Variants in ANO4 observed in about 807,000 individuals in gnomAD.
ANO4 encodes the protein anoctamin-4.
In ANO4, 69 loss-of-function variants were observed where a neutral mutation model predicts 141.9. The observed-to-expected ratio is 0.49, with a 90% CI of 0.40 to 0.59. The LOEUF (loss-of-function observed/expected upper bound fraction) is 0.59, where lower values mean the gene tolerates loss of function less well. ANO4 is among the 20% of genes least tolerant of loss of function. The pLI, the probability that ANO4 is intolerant of heterozygous loss-of-function variation, is 0.00. For missense variants in ANO4, 894 were observed against 1,162.2 expected, an observed-to-expected ratio of 0.77 and a Z score of 3.36; for synonymous variants, 350 against 394.3, an observed-to-expected ratio of 0.89 and a Z score of 1.33.
chr12:100,755,140 T>C (rs910013295), intron 3 of ANO4, among the ~76,000 whole-genome samples: 1 of 152,224 alleles, frequency 6.6e-6, no homozygotes, highest in African/African-American at 2.4e-5. Flanking sequence ...GATTTCATAG[T>C]GTGGGGTTCA....
rs1195436115 is a variant in ANO4 at position 100,939,425 on chromosome 12, G to A, written c.271G>A (p.Ala91Thr). ...AAACCTGACTAGTACTTCAGATGAT[G>A]CCAGCAGATTGGAAGCCGGGGGAGA... The part of the protein sequence containing the change: ...PGNLTSTSDD[A>T]SRLEAGGETV... The change falls in exon 4 of 28, where the codon GCC becomes ACC. Residue 91 changes from alanine (A) to threonine (T), a missense_variant. By Grantham distance (58) the Ala-to-Thr change is moderately conservative. This residue lies in a region of ANO4 where 257 missense variants were observed against 253.0 expected (regional missense o/e 1.02). Transcript: ENST00000392977. 29 of 1,613,586 alleles carry A rather than the reference G, an allele frequency of 1.8e-5. No homozygotes were observed. The highest frequency in any genetic ancestry group is 2.5e-5 in the Non-Finnish European group (29 of 1,179,626).
At chr12:100,925,278 G>A (rs2041815706) in intron 3 of ANO4, among the ~76,000 whole-genome samples, 1 of 152,042 alleles carries the variant, frequency 6.6e-6, no homozygotes, top group African/African-American at 2.4e-5. Context: ...CTGTAGCTTA[G>A]ATTATCGTTT....
Position 100,857,719 on chromosome 12 carries a change from T to C in ANO4, c.-140-43927T>C, listed in dbSNP as rs116668573. Among the ~76,000 whole-genome samples, 487 of 152,088 alleles carry C rather than the reference T, an allele frequency of 3.2e-3. 6 individuals carry two copies. Among genetic ancestry groups the C allele is most frequent in the African/African-American group, 0.011 (475 of 41,486 alleles). On this transcript the variant is annotated intron_variant, in intron 1 of 27. Transcript: ENST00000392977. ...CTCTATATCCGCTGTGTTTGAGGAG[T>C]GGCAGGATGTGGGATGAAAGAAAGA...
At chr12:100,998,646 A>G (rs1490246242) in intron 8 of ANO4, among the ~76,000 whole-genome samples, 1 of 152,164 alleles carries the variant, frequency 6.6e-6, no homozygotes, top group Non-Finnish European at 1.5e-5. Context: ...TCGTCATTTT[A>G]TATCTTATCA....
intron 14 of ANO4, among the ~76,000 whole-genome samples, chr12:101,056,684 A>G (rs2048133283): frequency 6.6e-6 from 1 of 152,004 alleles, no homozygotes; most frequent in Non-Finnish European, 1.5e-5. Context: ...GAATGTGTTT[A>G]GTCTTTCAAC....
intron 3 of ANO4, among the ~76,000 whole-genome samples, chr12:100,786,722 G>A (rs1489286796): frequency 6.6e-6 from 1 of 152,154 alleles, no homozygotes; most frequent in Non-Finnish European, 1.5e-5. Context: ...TAAAAGCCAA[G>A]GATTTCAGAG....
At chr12:100,809,861 C>T (rs1248058550) in intron 1 of ANO4, among the ~76,000 whole-genome samples, 3 of 152,074 alleles carry the variant, frequency 2.0e-5, no homozygotes, top group African/African-American at 4.8e-5. Flanking sequence ...ACAGTGGGCC[C>T]AGTTAGAGAC....
intron 1 of ANO4, among the ~76,000 whole-genome samples, chr12:100,812,501 A>G (rs2035501551): frequency 2.0e-5 from 3 of 152,196 alleles, no homozygotes; most frequent in Admixed American, 2.0e-4. Context: ...CATACATAAT[A>G]ATGTGTATAC....
chr12:100,905,838 C>T (rs2040821396), intron 2 of ANO4, among the ~76,000 whole-genome samples: 1 of 151,982 alleles, frequency 6.6e-6, no homozygotes, highest in African/African-American at 2.4e-5. Context: ...CACAATAGGA[C>T]CATGGATAGT....
intron 1 of ANO4, among the ~76,000 whole-genome samples, chr12:100,822,063 C>T (rs551874989): frequency 6.6e-6 from 1 of 152,026 alleles, no homozygotes; most frequent in South Asian, 2.1e-4. Flanking sequence ...TGACCACACT[C>T]ACCAAATAGA....
chr12:101,053,863 A>G (rs7956620), intron 14 of ANO4, among the ~76,000 whole-genome samples: 41,019 of 152,150 alleles, frequency 0.27, 5,643 homozygotes, highest in Admixed American at 0.32. Context: ...ACAACAGAAC[A>G]TGGCTTCACG....
intron 7 of ANO4, among the ~76,000 whole-genome samples, chr12:100,986,633 T>C (rs890017376): frequency 6.6e-6 from 1 of 152,110 alleles, no homozygotes; most frequent in South Asian, 2.1e-4. Flanking sequence ...AGGAAAAAAA[T>C]AAAGCATGAC....
chr12:101,081,004 C>CAG (rs1400568629), intron 15 of ANO4, among the ~76,000 whole-genome samples: 5 of 128,530 alleles, frequency 3.9e-5, no homozygotes, highest in Non-Finnish European at 1.6e-5. Flanking sequence ...AAAAAATATA[C>CAG]ATATATATAT....
intron 7 of ANO4, among the ~76,000 whole-genome samples, chr12:100,986,115 T>C (rs919208519): frequency 1.3e-5 from 2 of 152,120 alleles, no homozygotes; most frequent in African/African-American, 4.8e-5. Context: ...AGCTGGGACA[T>C]CTCTCTTCTT....
At chr12:101,046,323 T>C (rs1386315829) in intron 13 of ANO4, among the ~76,000 whole-genome samples, 1 of 152,118 alleles carries the variant, frequency 6.6e-6, no homozygotes, top group Non-Finnish European at 1.5e-5. Context: ...CATTCCCTGA[T>C]ATTGCTCCAG....
intron 8 of ANO4, among the ~76,000 whole-genome samples, chr12:100,997,278 G>A (rs905418409): frequency 2.1e-5 from 3 of 144,900 alleles, no homozygotes; most frequent in Non-Finnish European, 4.5e-5. Context: ...AGGTTGCAGT[G>A]AGCCGAGATC....
chr12:100,984,821 C>G (rs74989105), intron 7 of ANO4, among the ~76,000 whole-genome samples: 3 of 152,196 alleles, frequency 2.0e-5, no homozygotes, highest in African/African-American at 7.2e-5. Flanking sequence ...GTTCTACTCT[C>G]TTTTCATCAT....
At chr12:101,056,046 G>T (rs140692358) in intron 14 of ANO4, among the ~76,000 whole-genome samples, 1 of 152,024 alleles carries the variant, frequency 6.6e-6, no homozygotes, top group Non-Finnish European at 1.5e-5. Flanking sequence ...ATAATCCACT[G>T]TCTTGATTAT....
At chr12:101,084,716 C>T (rs7302309) in intron 16 of ANO4, among the ~76,000 whole-genome samples, 35,190 of 152,168 alleles carry the variant, frequency 0.23, 4,193 homozygotes, top group Admixed American at 0.28. Context: ...TTTTAAGCAA[C>T]TGTGTCATGC....
Sources: allele counts gnomAD v4.1 joint callset (sites outside exome capture counted in the v4.1 genomes callset), GRCh38; gene constraint gnomAD v4.1.1; regional missense constraint gnomAD v4.1.1; transcripts MANE v1.5; gene names NCBI Gene and HGNC (gene_info 2026-07-23, HGNC 2026-07-21).